Variants in TRMT11 observed in about 807,000 individuals in gnomAD.
TRMT11 encodes the protein tRNA (guanine(10)-N(2))-methyltransferase TRMT11.
Under a neutral mutation model 62.8 loss-of-function variants are expected in TRMT11, and 53 were observed. The ratio of observed to expected loss-of-function variants is 0.84; its 90% CI spans 0.68 to 1.06. TRMT11 has a LOEUF of 1.06. Among genes scored for constraint, TRMT11 ranks in the 50% least tolerant of loss-of-function variants. TRMT11 has a pLI of 0.00. For synonymous variants in TRMT11, 188 were observed against 190.3 expected, an observed-to-expected ratio of 0.99 and a Z score of 0.10; for missense variants, 556 against 553.4, an observed-to-expected ratio of 1.00 and a Z score of -0.05.
At chr6:126,240,361 T>G in the TRMT11 span, among the ~76,000 whole-genome samples, 2 of 152,212 alleles carry the variant, frequency 1.3e-5, no homozygotes, top group African/African-American at 2.4e-5. Context: ...TGGTCTTTGA[T>G]GATAGTGACG....
intron 1 of TRMT11, among the ~76,000 whole-genome samples, chr6:126,178,305 ATCT>A (rs1778414172): frequency 6.6e-6 from 1 of 152,134 alleles, no homozygotes. Flanking sequence ...GTGCTTGGCC[ATCT>A]TGGCCCAATG....
chr6:126,140,402 TTCTTA>T (rs1239722460), intron 21 of TRMT11, among the ~76,000 whole-genome samples: 1 of 152,126 alleles, frequency 6.6e-6, no homozygotes, highest in African/African-American at 2.4e-5. Context: ...ATCAGATAAT[TTCTTA>T]TCTTTGTCTT....
chr6:126,122,804 G>A (rs764422668), intron 21 of TRMT11, among the ~76,000 whole-genome samples: 26 of 152,050 alleles, frequency 1.7e-4, no homozygotes, highest in Admixed American at 3.9e-4. Context: ...AAATTTATAT[G>A]CCATTTCTTT....
chr6:126,009,345 A>G (rs1487190424), intron 8 of TRMT11: 1 of 151,976 alleles, frequency 6.6e-6, no homozygotes, highest in Non-Finnish European at 1.5e-5. Context: ...GTAATTATGG[A>G]AAATATTTTA....
intron 1 of TRMT11, among the ~76,000 whole-genome samples, chr6:126,192,279 T>C (rs1476054149): frequency 6.6e-6 from 1 of 152,164 alleles, no homozygotes; most frequent in Non-Finnish European, 1.5e-5. Flanking sequence ...TTGATTTTTG[T>C]ATGTTGATTT....
At position 126,061,098 on chromosome 6, in the gene TRMT11, C is replaced by T. The variant is rs934550656; in HGVS notation, c.*1437+7908C>T. On this transcript the variant is annotated intron_variant and NMD_transcript_variant, in intron 17 of 22. Transcript: ENST00000648977. ...AGAAGGGGAGAATCACAGATCCCCA[C>T]GGGAGCAGAGTCTCAGTCCTCCTGT... is the stretch of plus-strand genomic sequence containing the variant. Among the ~76,000 whole-genome samples the T allele has an allele frequency of 1.2e-4, 19 of 152,336 alleles. No individual in the cohort carries two copies. In the South Asian group the frequency reaches 1.9e-3, roughly 15 times the overall value.
intron 3 of TRMT11, among the ~76,000 whole-genome samples, chr6:126,201,655 T>C (rs943908204): frequency 1.3e-5 from 2 of 152,244 alleles, no homozygotes; most frequent in Admixed American, 1.3e-4. Flanking sequence ...GGTTTATATC[T>C]TGGTTCTGCT....
chr6:126,243,958 C>T, the TRMT11 span, among the ~76,000 whole-genome samples: 17 of 152,160 alleles, frequency 1.1e-4, 1 homozygote, highest in Non-Finnish European at 1.6e-4. Context: ...AGAAAAAAAG[C>T]ATAGGTAAAT....
the TRMT11 span, among the ~76,000 whole-genome samples, chr6:126,267,214 G>C: frequency 3.3e-5 from 5 of 152,076 alleles, no homozygotes; most frequent in Non-Finnish European, 7.4e-5. Context: ...AAAACTGTTG[G>C]CAATAATGCT....
intron 17 of TRMT11, among the ~76,000 whole-genome samples, chr6:126,060,237 A>T (rs566493923): frequency 5.5e-4 from 84 of 152,290 alleles, no homozygotes; most frequent in Non-Finnish European, 1.0e-3. Context: ...TTTTTATTAG[A>T]CTTTTTCAAT....
At chr6:126,049,334 G>A (rs934039974) in intron 16 of TRMT11, among the ~76,000 whole-genome samples, 1 of 152,138 alleles carries the variant, frequency 6.6e-6, no homozygotes, top group African/African-American at 2.4e-5. Flanking sequence ...TGTAACAATC[G>A]GTTGAAAAGG....
chr6:126,183,453 G>C (rs561575912), intron 1 of TRMT11, among the ~76,000 whole-genome samples: 2 of 152,164 alleles, frequency 1.3e-5, no homozygotes, highest in Non-Finnish European at 2.9e-5. Context: ...TGGAAAGCGG[G>C]AAACAATTGG....
chr6:126,133,170 AAACTT>A (rs966239844), intron 21 of TRMT11, among the ~76,000 whole-genome samples: 29 of 152,152 alleles, frequency 1.9e-4, no homozygotes, highest in Non-Finnish European at 8.8e-5. Flanking sequence ...GAAAGCCACT[AAACTT>A]AACTTAGAAA....
chr6:126,016,733 A>G (rs939578331), intron 11 of TRMT11, among the ~76,000 whole-genome samples: 2 of 150,764 alleles, frequency 1.3e-5, no homozygotes, highest in African/African-American at 2.4e-5. Context: ...TGTTTTATCA[A>G]TGGATAGATT....
intron 17 of TRMT11, among the ~76,000 whole-genome samples, chr6:126,069,711 G>T (rs1018400814): frequency 6.6e-6 from 1 of 152,176 alleles, no homozygotes; most frequent in East Asian, 1.9e-4. Flanking sequence ...TGTCATCCGG[G>T]ACTTGCCAGC....
chr6:126,079,319 T>A (rs1205474651), intron 17 of TRMT11, among the ~76,000 whole-genome samples: 4 of 152,196 alleles, frequency 2.6e-5, no homozygotes, highest in Admixed American at 2.6e-4. Flanking sequence ...CATGCTCTTG[T>A]GAGCTGGAGT....
At chr6:126,053,285 G>T (rs1336301055) in intron 17 of TRMT11, among the ~76,000 whole-genome samples, 1 of 152,200 alleles carries the variant, frequency 6.6e-6, no homozygotes, top group Non-Finnish European at 1.5e-5. Context: ...AACAGTGGTA[G>T]TGTATTAACC....
chr6:126,246,768 A>G, the TRMT11 span, among the ~76,000 whole-genome samples: 47 of 152,316 alleles, frequency 3.1e-4, no homozygotes, highest in African/African-American at 1.1e-3. Flanking sequence ...GAAAATACAT[A>G]TATCTATTCT....
chr6:125,988,907 A>C (rs1297958599), intron 1 of TRMT11, among the ~76,000 whole-genome samples: 1 of 152,202 alleles, frequency 6.6e-6, no homozygotes, highest in Non-Finnish European at 1.5e-5. Flanking sequence ...ATTTTTAATT[A>C]AGTCTTAATT....
Sources: gnomAD v4.1 joint callset for allele counts (sites outside exome capture counted in the v4.1 genomes callset) on GRCh38, gnomAD v4.1.1 for gene constraint, MANE v1.5 for transcripts, NCBI Gene and HGNC (gene_info 2026-07-23, HGNC 2026-07-21) for gene names.